Variants in CACNA1C observed in about 807,000 individuals in gnomAD.
The protein encoded by CACNA1C is calcium voltage-gated channel subunit alpha1 C, also known as voltage-dependent L-type calcium channel subunit alpha-1C.
A neutral mutation model predicts 229.0 loss-of-function variants in CACNA1C; 30 were observed. The observed-to-expected ratio is 0.13, with a 90% CI of 0.10 to 0.18. CACNA1C has a LOEUF of 0.18. Among genes scored for constraint, CACNA1C ranks in the 10% least tolerant of loss-of-function variants. The pLI, the probability that CACNA1C is intolerant of heterozygous loss-of-function variation, is 1.00. For synonymous variants in CACNA1C, 1,114 were observed against 1,132.5 expected (o/e 0.98, Z 0.33); for missense variants, 1,658 against 2,845.0 (o/e 0.58, Z 9.49).
chr12:2,334,466 G>A (rs1377544633), intron 3 of CACNA1C, among the ~76,000 whole-genome samples: 4 of 152,148 alleles, frequency 2.6e-5, no homozygotes, highest in Non-Finnish European at 2.9e-5. Context: ...GAATTGTGCT[G>A]TAGTGAGGCG....
intron 1 of CACNA1C, among the ~76,000 whole-genome samples, chr12:1,988,895 T>C (rs2038588227): frequency 6.6e-6 from 1 of 152,212 alleles, no homozygotes; most frequent in South Asian, 2.1e-4. Context: ...CTACCCAAAA[T>C]GGTAAATTCA....
intron 1 of CACNA1C, among the ~76,000 whole-genome samples, chr12:2,072,767 A>G (rs187318558): frequency 4.6e-5 from 7 of 152,320 alleles, no homozygotes; most frequent in Admixed American, 4.6e-4. Flanking sequence ...CAGGTATATT[A>G]GGCTAACTCA....
chr12:2,597,254 T>C lies in CACNA1C; in HGVS notation c.2818T>C (p.Phe940Leu). 6.2e-7 allele frequency: 1 copy of C among 1,612,588 alleles called. No homozygotes were observed. The highest frequency in any genetic ancestry group is 1.1e-5 in the South Asian group (1 of 91,040). Residue 940 changes from phenylalanine (F) to leucine (L), a missense_variant, in exon 21 of 47, where the codon TTT becomes CTT. Phe to Leu is a conservative substitution (Grantham distance 22). This residue lies in a region of CACNA1C where 52 missense variants were observed against 99.0 expected (regional missense o/e 0.53). Coordinates refer to ENST00000399655, the MANE Select transcript of CACNA1C (RefSeq NM_000719.7). The surrounding 1 kb of genome is among the most constrained non-coding windows in gnomAD (Gnocchi z 4.3). ...NHILFYFDIV[F>L]TTIFTIEIAL... ...GATTCTGTTTTATTTTGATATTGTT[T>C]TTACCACCATTTTCACCATTGAAAT...
chr12:2,308,850 G>A (rs1372660504), intron 3 of CACNA1C, among the ~76,000 whole-genome samples: 2 of 152,158 alleles, frequency 1.3e-5, no homozygotes, highest in African/African-American at 4.8e-5. Flanking sequence ...GTATTGATGA[G>A]GATATGAAAA....
At chr12:2,124,760 A>G (rs111952548) in intron 3 of CACNA1C, among the ~76,000 whole-genome samples, 7 of 152,128 alleles carry the variant, frequency 4.6e-5, no homozygotes, top group African/African-American at 1.7e-4. Context: ...CAGGATGGTG[A>G]TACGAGGAGC....
intron 9 of CACNA1C, among the ~76,000 whole-genome samples, chr12:2,516,496 G>C (rs889953563): frequency 2.0e-5 from 3 of 152,202 alleles, no homozygotes; most frequent in African/African-American, 7.2e-5. Context: ...GCCAGGGAGA[G>C]GCAGGGGTCC....
chr12:2,284,971 CCTCTGGTGGGCGATGCCCTTCA>C (rs1332614713), intron 3 of CACNA1C, among the ~76,000 whole-genome samples: 6 of 152,198 alleles, frequency 3.9e-5, no homozygotes, highest in Non-Finnish European at 8.8e-5. Flanking sequence ...TCCAGCCTGC[CCTCTGGTGGGCGATGCCCTTCA>C]GTGAGCGGGG....
At chr12:2,236,596 T>C (rs1341849177) in intron 3 of CACNA1C, among the ~76,000 whole-genome samples, 1 of 152,190 alleles carries the variant, frequency 6.6e-6, no homozygotes, top group African/African-American at 2.4e-5. Context: ...AACTTGGCAC[T>C]TCTAGGCTAC....
Position 2,523,904 on chromosome 12 carries a change from G to A in CACNA1C, c.1390+10920G>A, listed in dbSNP as rs571888282. On this transcript the variant is annotated intron_variant, in intron 9 of 46. Transcript: ENST00000399655. ...CCCTTGCCTCCCTCACCCACTCCAC[G>A]CTTCCTTCTCTGTAAACAGTGGGGG... Among the ~76,000 whole-genome samples the A allele has an allele frequency of 1.8e-3, 280 of 152,242 alleles. 1 individual carries two copies. The highest frequency in any genetic ancestry group is 6.4e-3 in the African/African-American group (265 of 41,532).
intron 5 of CACNA1C, among the ~76,000 whole-genome samples, chr12:2,475,092 G>T (rs527607806): frequency 1.3e-5 from 2 of 152,126 alleles, no homozygotes; most frequent in African/African-American, 4.8e-5. Context: ...GAGGTCAGGA[G>T]ATCGAGACCA....
chr12:2,620,735 T>C (rs1007601320), intron 29 of CACNA1C, among the ~76,000 whole-genome samples: 5 of 152,248 alleles, frequency 3.3e-5, no homozygotes, highest in South Asian at 4.1e-4. Context: ...TGCATGTGTT[T>C]CCACACACAC....
intron 3 of CACNA1C, among the ~76,000 whole-genome samples, chr12:2,130,587 A>T (rs1409402619): frequency 2.0e-5 from 2 of 97,978 alleles, no homozygotes; most frequent in African/African-American, 4.0e-5. Context: ...GTTTACTGAG[A>T]ATGATGATTT....
In CACNA1C at chr12:2,067,481, T is replaced by TGTGTGTGTGTGC. The variant is rs3085990; in HGVS notation, c.49+13871_49+13872insTGTGTGTGTGCG. Reference sequence around the variant, plus strand: ...GTGTGTGTGTGTGTGTGTGTGTGTGTGCGCGCGTGTGCGTGCCTGTATGTA... The same window carrying TGTGTGTGTGTGC: ...GTGTGTGTGTGTGTGTGTGTGTGTGTGTGTGTGTGTGCGCGCGCGTGTGCGTGCCTGTATGTA... On this transcript the variant is annotated intron_variant, in intron 1 of 46. Transcript: ENST00000399655. The surrounding 1 kb of genome is among the most constrained non-coding windows in gnomAD (Gnocchi z 5.3). Among the ~76,000 whole-genome samples the TGTGTGTGTGTGC allele has an allele frequency of 0.055, 7,690 of 140,698 alleles. 241 individuals are homozygous for TGTGTGTGTGTGC. Among genetic ancestry groups the TGTGTGTGTGTGC allele is most frequent in the Middle Eastern group, 0.078 (21 of 268 alleles). The allele number at this position is 140,698 out of a possible 152,430, so 92.3% of individuals were successfully genotyped here. A position where few individuals can be genotyped will look rare whatever the true frequency, so the allele number is the denominator to read the frequency against.
chr12:2,420,212 G>T (rs1356574566), intron 3 of CACNA1C, among the ~76,000 whole-genome samples: 1 of 150,788 alleles, frequency 6.6e-6, no homozygotes, highest in African/African-American at 2.5e-5. Context: ...AGCCAACAGG[G>T]ACATGGAGCC....
In CACNA1C at chr12:2,504,805, T is replaced by A. The variant is rs1335044778; in HGVS notation, c.1114-37T>A. 2.4e-6 allele frequency: 3 copies of A among 1,245,868 alleles called. No individual in the cohort carries two copies. Among genetic ancestry groups the A allele is most frequent in the Non-Finnish European group, 3.5e-6 (3 of 846,444 alleles). The allele number at this position is 1,245,868 out of a possible 1,614,324, so 77.2% of individuals were successfully genotyped here. On this transcript the variant is annotated intron_variant, in intron 7 of 46. Coordinates refer to ENST00000399655, the MANE Select transcript of CACNA1C (RefSeq NM_000719.7). The surrounding 1 kb of genome is among the most constrained non-coding windows in gnomAD (Gnocchi z 6.8). ...ACCGGCACTGGCCGTGCTCGGTTGCTGAGTGTGCCTCACTAACTATCATTC... is the reference window on the plus strand; with the variant it reads ...ACCGGCACTGGCCGTGCTCGGTTGCAGAGTGTGCCTCACTAACTATCATTC...
At chr12:2,260,537 A>G (rs1034130567) in intron 3 of CACNA1C, among the ~76,000 whole-genome samples, 5 of 151,568 alleles carry the variant, frequency 3.3e-5, no homozygotes, top group African/African-American at 1.2e-4. Flanking sequence ...GAAAGAAGAG[A>G]GAAAAGGAGA....
At chr12:2,610,731 T>C in intron 28 of CACNA1C, 32 bp downstream of exon 28, 1 of 1,611,698 alleles carries the variant, frequency 6.2e-7, no homozygotes, top group Non-Finnish European at 8.5e-7. Context: ...GCCATGGTGC[T>C]GCAGAAGGGA....
chr12:2,063,091 C>G (rs2058091647), intron 1 of CACNA1C, among the ~76,000 whole-genome samples: 1 of 152,088 alleles, frequency 6.6e-6, no homozygotes, highest in Non-Finnish European at 1.5e-5. Flanking sequence ...CAGCCCTTGG[C>G]AACCATGAAT....
At chr12:2,550,092 C>A in intron 10 of CACNA1C, 59 bp downstream of exon 10, 1 of 1,186,290 alleles carries the variant, frequency 8.4e-7, no homozygotes, top group Non-Finnish European at 1.2e-6. Context: ...GGTGGAAAAG[C>A]TGCATCTGGA....
Sources: gnomAD v4.1 joint callset for allele counts (sites outside exome capture counted in the v4.1 genomes callset) on GRCh38, gnomAD v4.1.1 for gene constraint, gnomAD v4.1.1 regional missense constraint, Gnocchi (gnomAD v3.1) non-coding constraint, MANE v1.5 for transcripts, NCBI Gene and HGNC (gene_info 2026-07-23, HGNC 2026-07-21) for gene names.